Variants in MACROD1 observed in about 807,000 individuals in gnomAD.
The protein encoded by MACROD1 is mono-ADP ribosylhydrolase 1, also known as ADP-ribose glycohydrolase MACROD1.
MACROD1 carries 31 observed loss-of-function variants against 41.4 expected under a neutral mutation model. The ratio of observed to expected loss-of-function variants is 0.75; its 90% confidence interval spans 0.56 to 1.01. MACROD1 has a LOEUF of 1.01. Among genes scored for constraint, MACROD1 ranks in the 50% least tolerant of loss-of-function variants. The probability of loss-of-function intolerance (pLI) is 0.00; values close to 1 mark genes in which losing one functional copy is unlikely to be tolerated. For synonymous variants in MACROD1, 252 were observed against 203.4 expected, an observed-to-expected ratio of 1.24 and a Z score of -2.03; for missense variants, 473 against 460.0, an observed-to-expected ratio of 1.03 and a Z score of -0.26.
chr11:64,098,339 C>G (rs898793836), intron 3 of MACROD1, among the ~76,000 whole-genome samples: 3 of 152,202 alleles, frequency 2.0e-5, no homozygotes, highest in African/African-American at 4.8e-5. Flanking sequence ...TGACCTCTCA[C>G]TATACCAAGC....
At chr11:64,034,059 C>A (rs554338394) in intron 3 of MACROD1, among the ~76,000 whole-genome samples, 1 of 152,330 alleles carries the variant, frequency 6.6e-6, no homozygotes, top group East Asian at 1.9e-4. Flanking sequence ...TGCCCGCGCT[C>A]TGTGCCAGCT....
chr11:64,085,347 C>T (rs1944374762), intron 3 of MACROD1, among the ~76,000 whole-genome samples: 1 of 152,210 alleles, frequency 6.6e-6, no homozygotes, highest in Non-Finnish European at 1.5e-5. Flanking sequence ...GCTGCTCCCA[C>T]CCCAAATCGA....
intron 3 of MACROD1, among the ~76,000 whole-genome samples, chr11:64,042,581 GC>G (rs1943508660): frequency 1.3e-5 from 2 of 152,112 alleles, no homozygotes; most frequent in South Asian, 4.1e-4. Flanking sequence ...CCAATGGGGG[GC>G]TGGCCTGGTG....
rs376992839 is a variant in MACROD1, at chr11:64,013,449, C to G, written c.547+1803G>C. On this transcript the variant is annotated intron_variant, in intron 4 of 10. Coordinates refer to ENST00000255681, the MANE Select transcript of MACROD1 (RefSeq NM_014067.4). ...AGAAGGAACTGCCAGGGCAAAGGCC[C>G]GGAGGCAGGAGTGGGCGGGGCCTGT... Among the ~76,000 whole-genome samples, 350 of 152,278 alleles carry G rather than the reference C, an allele frequency of 2.3e-3. 3 individuals are homozygous for G. Among genetic ancestry groups the G allele is most frequent in the African/African-American group, 8.0e-3 (331 of 41,564 alleles).
At chr11:64,000,124 G>T in intron 5 of MACROD1, 103 bp downstream of exon 5, 1 of 891,048 alleles carries the variant, frequency 1.1e-6, no homozygotes, top group Non-Finnish European at 1.7e-6. Flanking sequence ...AGGGCCCCCT[G>T]AGGAGTTCCC....
intron 4 of MACROD1, among the ~76,000 whole-genome samples, chr11:64,006,898 C>A (rs10897471): frequency 0.14 from 20,593 of 152,158 alleles, 3,120 homozygotes; most frequent in African/African-American, 0.37. Flanking sequence ...TCAAAGGGTG[C>A]TGGTGGCCAT....
chr11:64,091,837 C>T (rs1375547855), intron 3 of MACROD1, among the ~76,000 whole-genome samples: 3 of 152,152 alleles, frequency 2.0e-5, no homozygotes, highest in Non-Finnish European at 4.4e-5. Context: ...CTGCTGAGGC[C>T]CAGCACAGCC....
intron 3 of MACROD1, among the ~76,000 whole-genome samples, chr11:64,073,170 A>G (rs1260512589): frequency 4.6e-5 from 7 of 152,230 alleles, no homozygotes; most frequent in Non-Finnish European, 4.4e-5. Context: ...CACCAGGCAC[A>G]GACTCCCAGG....
intron 3 of MACROD1, among the ~76,000 whole-genome samples, chr11:64,044,697 A>C (rs1943551954): frequency 6.6e-6 from 1 of 152,138 alleles, no homozygotes; most frequent in Non-Finnish European, 1.5e-5. Context: ...GAGGATGGGA[A>C]ACTGAGGCAT....
At chr11:64,053,437 T>C (rs1943729692) in intron 3 of MACROD1, among the ~76,000 whole-genome samples, 1 of 152,116 alleles carries the variant, frequency 6.6e-6, no homozygotes, top group Non-Finnish European at 1.5e-5. Flanking sequence ...CCAGGGGCAC[T>C]GAGGTGCAGG....
intron 3 of MACROD1, among the ~76,000 whole-genome samples, chr11:64,069,735 C>T (rs551062377): frequency 1.1e-3 from 166 of 152,320 alleles, no homozygotes; most frequent in African/African-American, 3.3e-3. Flanking sequence ...GGCCCGGCCC[C>T]GGCAGCTGTG....
chr11:64,073,064 G>C (rs1373332167), intron 3 of MACROD1, among the ~76,000 whole-genome samples: 1 of 152,216 alleles, frequency 6.6e-6, no homozygotes, highest in Non-Finnish European at 1.5e-5. Flanking sequence ...TGACGGCACA[G>C]AGCCACTTGT....
intron 1 of MACROD1, among the ~76,000 whole-genome samples, chr11:64,162,184 A>T (rs1945765287): frequency 6.6e-6 from 1 of 152,234 alleles, no homozygotes; most frequent in East Asian, 1.9e-4. Flanking sequence ...TCTACAAAAA[A>T]ATACAAAAAA....
chr11:64,080,826 T>C (rs2134490232), intron 3 of MACROD1, among the ~76,000 whole-genome samples: 1 of 152,146 alleles, frequency 6.6e-6, no homozygotes, highest in Admixed American at 6.5e-5. Flanking sequence ...GGGAGAACTC[T>C]TGGGGTGATG....
rs755446395 is a variant in MACROD1 at position 64,116,877 on chromosome 11, C to T, written c.517+34362G>A. On this transcript the variant is annotated intron_variant, in intron 3 of 10. Coordinates refer to ENST00000255681, the MANE Select transcript of MACROD1 (RefSeq NM_014067.4). ...GCTGCCGCACACGCTGGAGGAGCTG[C>T]GGCTGGATGACAACCGCATCTCCAC... The T allele has an allele frequency of 3.7e-6, 6 of 1,611,646 alleles. No homozygotes were observed. The East Asian group carries it at 1.1e-4, about 30-fold the overall frequency.
In MACROD1 at chr11:64,082,540, G is replaced by A. The variant is rs1944322874; in HGVS notation, c.518-67259C>T. 6.6e-6 allele frequency among the ~76,000 whole-genome samples: 1 copy of A among 152,008 alleles called. No individual in the cohort carries two copies. The highest frequency in any genetic ancestry group is 2.4e-5 in the African/African-American group (1 of 41,376). On this transcript the variant is annotated intron_variant, in intron 3 of 10. Coordinates refer to ENST00000255681, the MANE Select transcript of MACROD1 (RefSeq NM_014067.4). This position sits in a 1 kb window ranked among gnomAD's most constrained non-coding sequence, Gnocchi z 4.5. ...TCGGTGCCTAACGGTGGTGGCCGTGGGAGTCAGAGCTCCAGGCGGAAGTAG... is the reference window on the plus strand; with the variant it reads ...TCGGTGCCTAACGGTGGTGGCCGTGAGAGTCAGAGCTCCAGGCGGAAGTAG...
chr11:64,063,823 A>G (rs1284306538), intron 3 of MACROD1, among the ~76,000 whole-genome samples: 1 of 152,010 alleles, frequency 6.6e-6, no homozygotes, highest in Non-Finnish European at 1.5e-5. Flanking sequence ...GAGCACCTTC[A>G]CTCTAACAAT....
At chr11:64,104,537 A>G (rs1017680719) in intron 3 of MACROD1, among the ~76,000 whole-genome samples, 10 of 152,114 alleles carry the variant, frequency 6.6e-5, no homozygotes, top group Non-Finnish European at 1.3e-4. Flanking sequence ...TAAAGGTGGT[A>G]GCAGTGAGGC....
chr11:64,027,072 C>T (rs1220149371), intron 3 of MACROD1, among the ~76,000 whole-genome samples: 2 of 152,310 alleles, frequency 1.3e-5, no homozygotes, highest in East Asian at 1.9e-4. Context: ...TCCCAAAGGC[C>T]GGCATGGCCT....
Sources: allele counts gnomAD v4.1 joint callset (sites outside exome capture counted in the v4.1 genomes callset), GRCh38; gene constraint gnomAD v4.1.1; non-coding constraint Gnocchi (gnomAD v3.1); transcripts MANE v1.5; gene names NCBI Gene and HGNC (gene_info 2026-07-23, HGNC 2026-07-21).